ZC3H12C: variants seen among roughly 807,000 people sequenced by gnomAD.
ZC3H12C encodes the protein zinc finger CCCH-type containing 12C, also known as probable ribonuclease ZC3H12C.
Under a neutral mutation model 76.3 loss-of-function variants are expected in ZC3H12C, and 20 were observed. The ratio of observed to expected loss-of-function variants is 0.26; its 90% confidence interval spans 0.18 to 0.38. The LOEUF is 0.38. Among genes scored for constraint, ZC3H12C ranks in the 10% least tolerant of loss-of-function variants. The pLI, the probability that ZC3H12C is intolerant of heterozygous loss-of-function variation, is 1.00. For missense variants in ZC3H12C, 874 were observed against 1,086.5 expected (o/e 0.80, Z 2.75); for synonymous variants, 352 against 399.6 (o/e 0.88, Z 1.42).
At chr11:110,153,189 T>C in intron 3 of ZC3H12C, 131 bp downstream of exon 3, 1 of 1,167,544 alleles carries the variant, frequency 8.6e-7, no homozygotes, top group Non-Finnish European at 1.2e-6. Context: ...CGTTGTTTTT[T>C]GTTGTTGTTG....
At chr11:110,118,599 C>A (rs1252988953) in intron 1 of ZC3H12C, among the ~76,000 whole-genome samples, 1 of 152,118 alleles carries the variant, frequency 6.6e-6, no homozygotes, top group Admixed American at 6.6e-5. Context: ...GAGTTTGAGA[C>A]CAGCCTGGCT....
At chr11:110,155,235 G>A (rs1285633440) in intron 3 of ZC3H12C, among the ~76,000 whole-genome samples, 6 of 151,854 alleles carry the variant, frequency 4.0e-5, no homozygotes, top group South Asian at 2.1e-4. Flanking sequence ...GGAAGTGGGG[G>A]TTGCAGTGAG....
intron 1 of ZC3H12C, among the ~76,000 whole-genome samples, chr11:110,115,597 C>G (rs1196937228): frequency 1.3e-5 from 2 of 151,958 alleles, no homozygotes; most frequent in Non-Finnish European, 2.9e-5. Flanking sequence ...GCCTCCACAC[C>G]TGGCCTATTT....
intron 1 of ZC3H12C, among the ~76,000 whole-genome samples, chr11:110,104,401 G>T (rs1861280845): frequency 6.6e-6 from 1 of 152,130 alleles, no homozygotes; most frequent in South Asian, 2.1e-4. Flanking sequence ...GTGATTTGGG[G>T]TCTTGTCTCC....
intron 2 of ZC3H12C, among the ~76,000 whole-genome samples, chr11:110,150,532 G>A (rs1218653788): frequency 1.3e-5 from 2 of 152,080 alleles, no homozygotes; most frequent in Non-Finnish European, 2.9e-5. Flanking sequence ...TGGTGAAAGA[G>A]TGTATTGTAT....
rs756775815 is a variant in ZC3H12C, at chr11:110,165,261, CCCTCT to C, written c.2181_2185del (p.Pro728LysfsTer6). 1 of 1,613,988 alleles carries C rather than the reference CCCTCT, an allele frequency of 6.2e-7. No individual in the cohort carries two copies. The highest frequency in any genetic ancestry group is 8.5e-7 in the Non-Finnish European group (1 of 1,179,892). On this transcript the variant is annotated frameshift_variant, in exon 6 of 6. Coordinates refer to ENST00000278590, the MANE Select transcript of ZC3H12C (RefSeq NM_033390.2). LOFTEE classifies it high-confidence loss of function. ...CCGGTCCAGCTGTCCTGGCGACTAC[CCCTCT>C]CCTCCAAGTTCAGCACACTCTAAGG... is the stretch of plus-strand genomic sequence containing the variant.
chr11:110,130,870 C>A, intron 1 of ZC3H12C: 1 of 633,404 alleles, frequency 1.6e-6, no homozygotes, highest in Non-Finnish European at 2.7e-6. Flanking sequence ...ACCTACGAAC[C>A]TGACGCAGGG....
chr11:110,149,269 C>T (rs556893843), intron 2 of ZC3H12C, among the ~76,000 whole-genome samples: 2 of 152,274 alleles, frequency 1.3e-5, no homozygotes, highest in South Asian at 4.2e-4. Flanking sequence ...CCACCCTGCT[C>T]ATCCCCACTA....
chr11:110,131,433 T>G, intron 1 of ZC3H12C: 1 of 293,334 alleles, frequency 3.4e-6, no homozygotes, highest in Non-Finnish European at 6.4e-6. Context: ...ATTTAAATCT[T>G]ACCTTGTCAA....
chr11:110,148,704 T>C lies in ZC3H12C; in HGVS notation c.774-4215T>C, dbSNP rs556273269. ...AAAGGAACATGCTAATTCATAAAAA[T>C]AGAATTAACTAATTTTGTTACTGAG... is the stretch of plus-strand genomic sequence containing the variant. On this transcript the variant is annotated intron_variant, in intron 2 of 5. Coordinates refer to ENST00000278590, the MANE Select transcript of ZC3H12C (RefSeq NM_033390.2). Among the ~76,000 whole-genome samples, 82 of 152,346 alleles carry C rather than the reference T, an allele frequency of 5.4e-4. No homozygotes were observed. In the Middle Eastern group the frequency reaches 0.017, roughly 32 times the overall value.
chr11:110,131,925 A>G (rs937189080), intron 1 of ZC3H12C, among the ~76,000 whole-genome samples: 15 of 152,358 alleles, frequency 9.8e-5, no homozygotes, highest in African/African-American at 3.6e-4. Flanking sequence ...TCCAGTAGAC[A>G]TCTGTTGCCC....
chr11:110,157,770 T>C (rs1202413624), intron 3 of ZC3H12C, among the ~76,000 whole-genome samples: 4 of 152,186 alleles, frequency 2.6e-5, no homozygotes, highest in Non-Finnish European at 4.4e-5. Flanking sequence ...CTGACCCGTG[T>C]CACTCTTCCA....
intron 1 of ZC3H12C, among the ~76,000 whole-genome samples, chr11:110,096,418 T>C (rs1246967460): frequency 1.3e-5 from 2 of 152,248 alleles, no homozygotes; most frequent in African/African-American, 4.8e-5. Context: ...TGTACACTGA[T>C]GTGCCAGACA....
intron 1 of ZC3H12C, among the ~76,000 whole-genome samples, chr11:110,102,215 T>C (rs1861229671): frequency 6.7e-6 from 1 of 149,902 alleles, no homozygotes; most frequent in South Asian, 2.2e-4. Context: ...CTGATGGATC[T>C]GGGCAAAATA....
In ZC3H12C at chr11:110,166,649, A is replaced by G. The variant is rs971060922; in HGVS notation, c.*912A>G. 10 of 152,194 alleles carry G rather than the reference A, an allele frequency of 6.6e-5. No homozygotes were observed. The highest frequency in any genetic ancestry group is 1.2e-4 in the Non-Finnish European group (8 of 68,046). The allele number at this position is 152,194 out of a possible 1,614,324, so 9.4% of individuals were successfully genotyped here. On this transcript the variant is annotated 3_prime_UTR_variant, in exon 6 of 6. Transcript: ENST00000278590. ...TGTCTTTTTGTTTTGGGGCACAACA[A>G]TACTGGATAAAATAACCCTTTCACA...
At chr11:110,098,953 A>G (rs1861163881) in intron 1 of ZC3H12C, among the ~76,000 whole-genome samples, 1 of 152,222 alleles carries the variant, frequency 6.6e-6, no homozygotes. Context: ...TAAGCAAAAT[A>G]ATGAAGTCAT....
At chr11:110,135,893 G>A (rs1861950157) in intron 1 of ZC3H12C, 1 of 152,146 alleles carries the variant, frequency 6.6e-6, no homozygotes, top group Non-Finnish European at 1.5e-5. Context: ...TTCCTGGAAT[G>A]AAATAGACTG....
At chr11:110,130,776 C>A (rs1297166481) in intron 1 of ZC3H12C, among the ~76,000 whole-genome samples, 2 of 152,192 alleles carry the variant, frequency 1.3e-5, no homozygotes, top group African/African-American at 4.8e-5. Context: ...CTTTGTATGG[C>A]CTATTGTTGC....
Position 110,137,214 on chromosome 11 carries a change from A to C in ZC3H12C, c.573A>C (p.Leu191Phe), listed in dbSNP as rs745409793. 1.2e-6 allele frequency: 2 copies of C among 1,613,966 alleles called. No homozygotes were observed. The highest frequency in any genetic ancestry group is 1.7e-6 in the Non-Finnish European group (2 of 1,179,868). ...LVLNKLGTDA[L>F]INDILGELVK... ...TAAACAAACTTGGTACTGATGCTTT[A>C]ATCAATGATATTTTGGGAGAACTTG... Residue 191 changes from leucine to phenylalanine, a missense_variant, in exon 2 of 6, where the codon TTA (leucine) becomes TTC (phenylalanine). Leu to Phe is a conservative substitution (Grantham distance 22, BLOSUM62 0). Coordinates refer to ENST00000278590, the MANE Select transcript of ZC3H12C (RefSeq NM_033390.2).
Sources: gnomAD v4.1 joint callset for allele counts (sites outside exome capture counted in the v4.1 genomes callset) on GRCh38, gnomAD v4.1.1 for gene constraint, MANE v1.5 for transcripts, NCBI Gene and HGNC (gene_info 2026-07-23, HGNC 2026-07-21) for gene names.